The following EPAS1 variants were observed in gnomAD, a reference collection of about 807,000 sequenced individuals.
The protein encoded by EPAS1 is endothelial PAS domain protein 1.
In EPAS1, 23 loss-of-function variants were observed where a neutral mutation model predicts 87.9. The observed-to-expected ratio is 0.26, with a 90% confidence interval of 0.19 to 0.37. The LOEUF is 0.37. Among genes scored for constraint, EPAS1 ranks in the 10% least tolerant of loss-of-function variants. EPAS1 has a pLI of 1.00. For synonymous variants in EPAS1, 508 were observed against 444.3 expected (o/e 1.14, Z -1.80); for missense variants, 1,138 against 1,120.7 (o/e 1.02, Z -0.22).
chr2:46,311,542 C>T (rs1683211996), intron 1 of EPAS1, among the ~76,000 whole-genome samples: 1 of 152,170 alleles, frequency 6.6e-6, no homozygotes, highest in African/African-American at 2.4e-5. Context: ...TTGAGTCTAG[C>T]ATCTACCTTC....
chr2:46,382,479 C>T lies in EPAS1; in HGVS notation c.2342C>T (p.Pro781Leu), dbSNP rs199997193. The T allele has an allele frequency of 6.1e-5, 99 of 1,614,144 alleles. No homozygotes were observed. The Admixed American group carries it at 7.7e-4, about 12-fold the overall frequency. The change falls in exon 15 of 16, where the codon CCG becomes CTG. Residue 781 changes from proline (P) to leucine (L), a missense_variant. Physicochemically the swap from Pro to Leu is moderately conservative, Grantham distance 98. Around this residue, in one of 4 missense-constraint regions of EPAS1, gnomAD observed 502 missense variants for 427.1 expected, o/e 1.18. Transcript: ENST00000263734. Reference protein sequence around the residue: ...RGLGHPLRHLPLPQPPSAISP... With the variant: ...RGLGHPLRHLLLPQPPSAISP... ...CTGGGCCATCCCCTGAGACATCTGC[C>T]GCTGCCACAGCCTCCATCTGCCATC...
rs1572617531 is a variant in EPAS1, at chr2:46,317,683, C to G, written c.26+19746C>G. On this transcript the variant is annotated intron_variant, in intron 1 of 15. Transcript: ENST00000263734. Reference sequence around the variant, plus strand: ...CTAGGGATTGACTTCTCCCCTCTTGCAGTGAAAGTCCTAGATGGCATGTTC... The same window carrying G: ...CTAGGGATTGACTTCTCCCCTCTTGGAGTGAAAGTCCTAGATGGCATGTTC... Among the ~76,000 whole-genome samples, 3 of 152,352 alleles carry G rather than the reference C, an allele frequency of 2.0e-5. No individual in the cohort carries two copies. The Middle Eastern group carries it at 0.01, about 518-fold the overall frequency.
At position 46,297,712 on chromosome 2, in the gene EPAS1, A is replaced by C. The variant is rs886056080; in HGVS notation, c.-200A>C. Reference sequence around the variant, plus strand: ...CTCCGCGCGCAGGTTCCTCCCAGTCACCTTTCTCCACCCCCGCCCCCGCAC... The same window carrying C: ...CTCCGCGCGCAGGTTCCTCCCAGTCCCCTTTCTCCACCCCCGCCCCCGCAC... On this transcript the variant is annotated 5_prime_UTR_variant, in exon 1 of 16. Transcript: ENST00000263734. 96 of 605,042 alleles carry C rather than the reference A, an allele frequency of 1.6e-4. No homozygotes were observed. The highest frequency in any genetic ancestry group is 2.5e-4 in the Non-Finnish European group (87 of 350,560). The allele number at this position is 605,042 out of a possible 1,614,324, so 37.5% of individuals were successfully genotyped here.
intron 1 of EPAS1, among the ~76,000 whole-genome samples, chr2:46,336,508 C>T (rs1683797542): frequency 1.3e-5 from 2 of 152,136 alleles, no homozygotes; most frequent in African/African-American, 4.8e-5. Flanking sequence ...TAAAATGATA[C>T]AGGTAGGGAA....
At chr2:46,335,474 A>T (rs768360932) in intron 1 of EPAS1, among the ~76,000 whole-genome samples, 9 of 135,246 alleles carry the variant, frequency 6.7e-5, no homozygotes, top group Non-Finnish European at 1.4e-4. Context: ...TCCTGTATAT[A>T]CCCAGTGCTG....
In EPAS1 at chr2:46,309,303, A is replaced by G. The variant is rs1478186346; in HGVS notation, c.26+11366A>G. On this transcript the variant is annotated intron_variant, in intron 1 of 15. Transcript: ENST00000263734. Reference sequence around the variant, plus strand: ...AGGTGCTATGCTGTACGGTGAGGTTACAAAGAGGCATTAGATGGACCCTGC... The same window carrying G: ...AGGTGCTATGCTGTACGGTGAGGTTGCAAAGAGGCATTAGATGGACCCTGC... Among the ~76,000 whole-genome samples the G allele has an allele frequency of 2.6e-5, 4 of 152,358 alleles. No individual in the cohort carries two copies. The East Asian group carries it at 5.8e-4, about 22-fold the overall frequency.
chr2:46,351,572 G>A (rs1684146009), intron 2 of EPAS1, among the ~76,000 whole-genome samples: 1 of 152,164 alleles, frequency 6.6e-6, no homozygotes, highest in Non-Finnish European at 1.5e-5. Context: ...GGAGGGCGGG[G>A]TTTGAGGGGC....
At chr2:46,301,578 GAAAA>G (rs3053642) in intron 1 of EPAS1, among the ~76,000 whole-genome samples, 7,041 of 124,160 alleles carry the variant, frequency 0.057, 567 homozygotes, top group African/African-American at 0.2. Flanking sequence ...CCGTCTCAAA[GAAAA>G]AAAAAAAAAA....
rs1000362804 is a variant in EPAS1, at chr2:46,375,905, G to A, written c.1034+68G>A. 2.5e-6 allele frequency: 4 copies of A among 1,608,168 alleles called. No homozygotes were observed. Among genetic ancestry groups the A allele is most frequent in the African/African-American group, 1.3e-5 (1 of 74,800 alleles). ...GGGGTGCCCAAGCTTCCCAGACTCA[G>A]GATGACAGGCCTAGGAGATGCCAGG... is the stretch of plus-strand genomic sequence containing the variant. On this transcript the variant is annotated intron_variant, in intron 8 of 15. Transcript: ENST00000263734. The surrounding 1 kb of genome is among the most constrained non-coding windows in gnomAD (Gnocchi z 4.1).
At chr2:46,367,810 C>G (rs1010843519) in intron 6 of EPAS1, among the ~76,000 whole-genome samples, 1 of 152,236 alleles carries the variant, frequency 6.6e-6, no homozygotes, top group African/African-American at 2.4e-5. Context: ...CTCACCCAAG[C>G]AGAGAACTTG....
In EPAS1 at chr2:46,377,645, A is replaced by C. The variant is rs886377786; in HGVS notation, c.1250-249A>C. 1.5e-4 allele frequency among the ~76,000 whole-genome samples: 23 copies of C among 151,988 alleles called. 1 individual carries two copies. Among genetic ancestry groups the C allele is most frequent in the Admixed American group, 1.5e-3 (23 of 15,258 alleles). ...TGTTCCTCAGGGAAGAGTGGCTCCT[A>C]ATATATTTAGTCTCTGAAAATTAAA... On this transcript the variant is annotated intron_variant, in intron 9 of 15. Coordinates refer to ENST00000263734, the MANE Select transcript of EPAS1 (RefSeq NM_001430.5).
intron 1 of EPAS1, among the ~76,000 whole-genome samples, chr2:46,327,568 A>G (rs1208735085): frequency 6.6e-6 from 1 of 152,260 alleles, no homozygotes; most frequent in Non-Finnish European, 1.5e-5. Context: ...GAACTGCAGA[A>G]AAACAAAAGT....
chr2:46,305,765 T>C (rs1182910380), intron 1 of EPAS1, among the ~76,000 whole-genome samples: 2 of 152,072 alleles, frequency 1.3e-5, no homozygotes, highest in Non-Finnish European at 2.9e-5. Flanking sequence ...AACTAAGAGA[T>C]AAGTGGTAGC....
At position 46,376,459 on chromosome 2, in the gene EPAS1, T is replaced by G. The variant is rs934783548; in HGVS notation, c.1035-80T>G. ...CATTTTTTGTCGGAGAGCTTAGCTA[T>G]GAGGGTTTCCATGCATCTAGGGGAG... On this transcript the variant is annotated intron_variant, in intron 8 of 15. Coordinates refer to ENST00000263734, the MANE Select transcript of EPAS1 (RefSeq NM_001430.5). 6 of 1,396,338 alleles carry G rather than the reference T, an allele frequency of 4.3e-6. No individual in the cohort carries two copies. The African/African-American group carries it at 8.5e-5, about 20-fold the overall frequency. 86.5% of individuals were successfully genotyped at this position (1,396,338 alleles called of 1,614,324 possible).
intron 1 of EPAS1, among the ~76,000 whole-genome samples, chr2:46,312,865 C>T (rs991326357): frequency 1.3e-5 from 2 of 152,146 alleles, no homozygotes; most frequent in Non-Finnish European, 2.9e-5. Context: ...TTTTTCCCTC[C>T]CCTGTGGAGA....
At chr2:46,323,664 G>A (rs529949945) in intron 1 of EPAS1, among the ~76,000 whole-genome samples, 2 of 152,342 alleles carry the variant, frequency 1.3e-5, no homozygotes, top group African/African-American at 2.4e-5. Flanking sequence ...ACAGATTGAT[G>A]TCTTGCTTCT....
intron 9 of EPAS1, among the ~76,000 whole-genome samples, chr2:46,377,242 C>T (rs1684771713): frequency 6.6e-6 from 1 of 152,232 alleles, no homozygotes. Flanking sequence ...AGCCCTCAAA[C>T]CCACGACTTC....
chr2:46,313,599 G>A (rs770328037), intron 1 of EPAS1, among the ~76,000 whole-genome samples: 5 of 152,062 alleles, frequency 3.3e-5, no homozygotes, highest in East Asian at 3.9e-4. Flanking sequence ...TTACAGGCAC[G>A]CACCACCATG....
chr2:46,302,118 C>CTCTGTGTGTGTG (rs35925160), intron 1 of EPAS1, among the ~76,000 whole-genome samples: 7,356 of 127,618 alleles, frequency 0.058, 317 homozygotes, highest in South Asian at 0.095. Flanking sequence ...CTCTTTCTCT[C>CTCTGTGTGTGTG]TGTGTGTGTG....
Sources: allele counts gnomAD v4.1 joint callset (sites outside exome capture counted in the v4.1 genomes callset), GRCh38; gene constraint gnomAD v4.1.1; regional missense constraint gnomAD v4.1.1; non-coding constraint Gnocchi (gnomAD v3.1); transcripts MANE v1.5; gene names NCBI Gene and HGNC (gene_info 2026-07-23, HGNC 2026-07-21).